Variants in KIAA1671 observed in about 807,000 individuals in gnomAD.
KIAA1671 encodes the protein KIAA1671.
In KIAA1671, 52 loss-of-function variants were observed where a neutral mutation model predicts 131.2. That is an observed-to-expected ratio of 0.40 (90% CI 0.32 to 0.50). The LOEUF (loss-of-function observed/expected upper bound fraction) is 0.50, where lower values mean the gene tolerates loss of function less well. Among genes scored for constraint, KIAA1671 ranks in the 20% least tolerant of loss-of-function variants. The pLI is 0.73. For missense variants in KIAA1671, 2,360 were observed against 2,364.2 expected (o/e 1.00, Z 0.04); for synonymous variants, 1,003 against 961.6 (o/e 1.04, Z -0.80).
At chr22:25,107,799 G>A (rs561935901) in intron 6 of KIAA1671, among the ~76,000 whole-genome samples, 2 of 152,046 alleles carry the variant, frequency 1.3e-5, no homozygotes, top group African/African-American at 4.8e-5. Context: ...TCACTGGTCA[G>A]GAGTTCAAGA....
At chr22:25,065,125 G>C (rs1343534160) in intron 6 of KIAA1671, 2 of 152,366 alleles carry the variant, frequency 1.3e-5, no homozygotes. Context: ...TTGAGCGCTG[G>C]TTTGGCGAGG....
chr22:25,087,761 G>A (rs1024080666), intron 6 of KIAA1671, among the ~76,000 whole-genome samples: 11 of 152,352 alleles, frequency 7.2e-5, no homozygotes, highest in South Asian at 2.1e-4. Context: ...GAGCTTTGGC[G>A]GGTGAACAGC....
chr22:25,004,272 C>A (rs769826621), intron 1 of KIAA1671, among the ~76,000 whole-genome samples: 1 of 152,016 alleles, frequency 6.6e-6, no homozygotes, highest in Admixed American at 6.6e-5. Context: ...CACACCACCA[C>A]GCCTGGCTAA....
intron 6 of KIAA1671, among the ~76,000 whole-genome samples, chr22:25,097,354 A>G (rs1435129216): frequency 1.3e-5 from 2 of 152,294 alleles, no homozygotes; most frequent in South Asian, 2.1e-4. Flanking sequence ...TCTGACAATA[A>G]GGACGTGTAT....
chr22:25,181,237 G>A (rs1365297838), intron 9 of KIAA1671, among the ~76,000 whole-genome samples: 1 of 152,228 alleles, frequency 6.6e-6, no homozygotes, highest in Non-Finnish European at 1.5e-5. Flanking sequence ...TTAAGTCCTG[G>A]ATAGGGGAGT....
intron 6 of KIAA1671, among the ~76,000 whole-genome samples, chr22:25,104,869 G>T (rs1601317963): frequency 6.6e-6 from 1 of 151,998 alleles, no homozygotes; most frequent in Admixed American, 6.6e-5. Flanking sequence ...ACCCTTAATG[G>T]CTAAGAATCA....
intron 6 of KIAA1671, among the ~76,000 whole-genome samples, chr22:25,104,450 G>A (rs144397655): frequency 6.6e-6 from 1 of 152,322 alleles, no homozygotes; most frequent in East Asian, 1.9e-4. Flanking sequence ...GGAGGGGAAG[G>A]CAGCTGTAGG....
chr22:25,090,878 G>A lies in KIAA1671; in HGVS notation c.4530+41514G>A, dbSNP rs114899311. ...TATTCCTTATTGGGAATTCCATGCTGTGAATGTTCTTCCATTGGACATCTG... is the reference window on the plus strand; with the variant it reads ...TATTCCTTATTGGGAATTCCATGCTATGAATGTTCTTCCATTGGACATCTG... On this transcript the variant is annotated intron_variant, in intron 6 of 12. Transcript: ENST00000358431. Among the ~76,000 whole-genome samples the A allele has an allele frequency of 2.6e-3, 397 of 152,266 alleles. 1 individual carries two copies. Among genetic ancestry groups the A allele is most frequent in the African/African-American group, 8.9e-3 (369 of 41,546 alleles).
chr22:25,068,893 G>C (rs1053942200), intron 6 of KIAA1671, among the ~76,000 whole-genome samples: 2 of 152,178 alleles, frequency 1.3e-5, no homozygotes, highest in Admixed American at 1.3e-4. Flanking sequence ...AGAACCCAGG[G>C]CCTCTGCCTG....
intron 5 of KIAA1671, among the ~76,000 whole-genome samples, chr22:25,048,470 G>A (rs1927362097): frequency 1.3e-5 from 2 of 152,168 alleles, no homozygotes; most frequent in Non-Finnish European, 2.9e-5. Context: ...CCAGAAAAGA[G>A]GCTGTGAGGG....
At chr22:25,143,066 T>C (rs1325887622) in intron 6 of KIAA1671, among the ~76,000 whole-genome samples, 1 of 152,194 alleles carries the variant, frequency 6.6e-6, no homozygotes, top group Non-Finnish European at 1.5e-5. Context: ...CTGTGATCTT[T>C]TCACAAGCCT....
chr22:25,123,633 C>T (rs559628154), intron 6 of KIAA1671, among the ~76,000 whole-genome samples: 62 of 152,272 alleles, frequency 4.1e-4, no homozygotes, highest in African/African-American at 1.5e-3. Flanking sequence ...ACTGAAGCCT[C>T]CAGTCCACCA....
At chr22:25,074,886 G>A (rs768100144) in intron 6 of KIAA1671, among the ~76,000 whole-genome samples, 1 of 152,092 alleles carries the variant, frequency 6.6e-6, no homozygotes, top group Non-Finnish European at 1.5e-5. Flanking sequence ...TTTCCTTTGG[G>A]TATATGCCCA....
Position 25,029,362 on chromosome 22 carries a change from G to C in KIAA1671, c.1363G>C (p.Gly455Arg). ...GGACAGCACCTTGGCCTTGGCAGTGGGGTCTGAATCTCCCCTGGCCACCCC... is the reference window on the plus strand; with the variant it reads ...GGACAGCACCTTGGCCTTGGCAGTGCGGTCTGAATCTCCCCTGGCCACCCC... Reference protein sequence around the residue: ...REDSTLALAVGSESPLATPAS... With the variant: ...REDSTLALAVRSESPLATPAS... Residue 455 changes from glycine (G) to arginine (R), a missense_variant, in exon 3 of 13, where the codon GGG becomes CGG. Transcript: ENST00000358431. The C allele has an allele frequency of 1.3e-6, 2 of 1,551,200 alleles. No individual in the cohort carries two copies. Among genetic ancestry groups the C allele is most frequent in the Non-Finnish European group, 1.7e-6 (2 of 1,146,748 alleles).
intron 6 of KIAA1671, among the ~76,000 whole-genome samples, chr22:25,078,736 C>T (rs1285674339): frequency 6.6e-6 from 1 of 152,138 alleles, no homozygotes; most frequent in Admixed American, 6.5e-5. Context: ...TTTGTCTCAG[C>T]AATGTCTGTG....
chr22:25,159,141 T>G (rs1933348248), intron 6 of KIAA1671, among the ~76,000 whole-genome samples: 1 of 152,092 alleles, frequency 6.6e-6, no homozygotes, highest in South Asian at 2.1e-4. Context: ...TGTTTGTGTT[T>G]ATAGCCTCCA....
intron 1 of KIAA1671, among the ~76,000 whole-genome samples, chr22:24,991,613 C>T (rs928788353): frequency 1.7e-4 from 25 of 144,688 alleles, no homozygotes; most frequent in Admixed American, 9.1e-4. Flanking sequence ...CGTGCCACCA[C>T]GCCCGGCTAA....
chr22:25,076,110 G>A (rs564494356), intron 6 of KIAA1671, among the ~76,000 whole-genome samples: 2 of 152,252 alleles, frequency 1.3e-5, no homozygotes, highest in African/African-American at 4.8e-5. Flanking sequence ...TCCACTGGCA[G>A]CATAAAAAAA....
chr22:25,144,566 G>A (rs912032043), intron 6 of KIAA1671, among the ~76,000 whole-genome samples: 1 of 152,180 alleles, frequency 6.6e-6, no homozygotes. Context: ...GTGTGGACTT[G>A]GGCTGGAATA....
Sources: gnomAD v4.1 joint callset for allele counts (sites outside exome capture counted in the v4.1 genomes callset) on GRCh38, gnomAD v4.1.1 for gene constraint, MANE v1.5 for transcripts, NCBI Gene and HGNC (gene_info 2026-07-23, HGNC 2026-07-21) for gene names.